C18orf32: variants seen among roughly 807,000 people sequenced by gnomAD.
C18orf32 encodes chromosome 18 open reading frame 32, also known as UPF0729 protein C18orf32.
In C18orf32, 5 loss-of-function variants were observed where a neutral mutation model predicts 7.4. That is an observed-to-expected ratio of 0.68 (90% CI 0.35 to 1.42). The LOEUF is 1.42. Among genes scored for constraint, C18orf32 ranks in the 40% most tolerant of loss-of-function variants. C18orf32 has a pLI of 0.04. For missense variants in C18orf32, 88 were observed against 92.4 expected, an observed-to-expected ratio of 0.95 and a Z score of 0.19; for synonymous variants, 30 against 29.3, an observed-to-expected ratio of 1.02 and a Z score of -0.08.
At position 49,481,269 on chromosome 18, in the gene C18orf32, C is replaced by G. The variant is rs1288455141; in HGVS notation, c.*1076G>C. On this transcript the variant is annotated 3_prime_UTR_variant, in exon 3 of 3. Transcript: ENST00000318240. ...AATAGAGCCTGAGTTAGGACCCAGACTTCATTAGGGACCCAAGGGCAGGAG... is the reference window on the plus strand; with the variant it reads ...AATAGAGCCTGAGTTAGGACCCAGAGTTCATTAGGGACCCAAGGGCAGGAG... 6.6e-6 allele frequency: 1 copy of G among 152,142 alleles called. No individual in the cohort carries two copies. Among genetic ancestry groups the G allele is most frequent in the Non-Finnish European group, 1.5e-5 (1 of 68,036 alleles). 9.4% of individuals were successfully genotyped at this position (152,142 alleles called of 1,614,324 possible).
intron 2 of C18orf32, 41 bp from the exon 3 acceptor site, chr18:49,482,451 G>C (rs111703462): frequency 2.3e-5 from 33 of 1,460,206 alleles, no homozygotes; most frequent in African/African-American, 1.3e-4. Flanking sequence ...ATAACAAGCC[G>C]GGTGCGGTGG....
intron 1 of C18orf32, among the ~76,000 whole-genome samples, chr18:49,485,681 C>A (rs956867065): frequency 1.3e-5 from 2 of 151,862 alleles, no homozygotes; most frequent in Non-Finnish European, 2.9e-5. Flanking sequence ...AACATACCAC[C>A]TGTGTTCAGA....
intron 2 of C18orf32, 137 bp downstream of exon 2, chr18:49,483,447 A>G: frequency 8.6e-7 from 1 of 1,169,156 alleles, no homozygotes; most frequent in Non-Finnish European, 1.2e-6. Context: ...GGCCTACTTT[A>G]AAACTTTAAT....
intron 1 of C18orf32, among the ~76,000 whole-genome samples, chr18:49,484,147 A>AT (rs1555769352): frequency 1.5e-5 from 1 of 65,596 alleles, no homozygotes; most frequent in African/African-American, 8.2e-5. Context: ...AAAAAAAAAA[A>AT]ATATATATAT....
rs144476981 is a variant in C18orf32, at chr18:49,482,265, G to A, written c.*80C>T. 2 of 980,436 alleles carry A rather than the reference G, an allele frequency of 2.0e-6. No homozygotes were observed. The highest frequency in any genetic ancestry group is 2.4e-5 in the East Asian group (1 of 41,710). The allele number at this position is 980,436 out of a possible 1,614,324, so 60.7% of individuals were successfully genotyped here. A position where few individuals can be genotyped will look rare whatever the true frequency, so the allele number is the denominator to read the frequency against. ...CCTGAATTCCGGTCTCAGATAAAAA[G>A]GTCAGAGACAATTACAAGGAAGATG... On this transcript the variant is annotated 3_prime_UTR_variant, in exon 3 of 3. Coordinates refer to ENST00000318240, the MANE Select transcript of C18orf32 (RefSeq NM_001035005.4).
At chr18:49,484,153 TATATATATATATATACACACACACAC>T (rs1243246690) in intron 1 of C18orf32, among the ~76,000 whole-genome samples, 4 of 50,942 alleles carry the variant, frequency 7.9e-5, no homozygotes, top group African/African-American at 4.6e-4. Context: ...AAAAAATATA[TATATATATATATATACACACACACAC>T]ACACACACAC....
At chr18:49,485,585 T>A (rs1012156117) in intron 1 of C18orf32, among the ~76,000 whole-genome samples, 1 of 150,122 alleles carries the variant, frequency 6.7e-6, no homozygotes. Context: ...TAAAATAAAA[T>A]AAAATCAATT....
intron 1 of C18orf32, among the ~76,000 whole-genome samples, chr18:49,484,128 C>CAAAAAAAAAAAAAAAAAAAAA (rs1420927884): frequency 3.9e-5 from 1 of 25,796 alleles, no homozygotes; most frequent in Admixed American, 5.2e-4. Context: ...CACTTTGTCT[C>CAAAAAAAAAAAAAAAAAAAAA]AAAAAAAGAA....
intron 1 of C18orf32, among the ~76,000 whole-genome samples, chr18:49,485,081 CA>C (rs201540950): frequency 6.6e-6 from 1 of 151,400 alleles, no homozygotes; most frequent in Middle Eastern, 3.4e-3. Flanking sequence ...AACTCCGTCT[CA>C]AAAAAAAGAT....
At chr18:49,485,944 TG>T (rs1290069132) in intron 1 of C18orf32, 6 of 152,082 alleles carry the variant, frequency 3.9e-5, no homozygotes, top group Admixed American at 3.3e-4. Flanking sequence ...CAAGGTGTGA[TG>T]GCACGCGCCT....
chr18:49,477,937 A>AAG lies in C18orf32; in HGVS notation c.*4407_*4408insCT, dbSNP rs2083632929. The AAG allele has an allele frequency of 7.5e-6, 1 of 133,346 alleles. No homozygotes were observed. The highest frequency in any genetic ancestry group is 1.5e-5 in the Non-Finnish European group (1 of 65,428). The allele number at this position is 133,346 out of a possible 1,614,324, so 8.3% of individuals were successfully genotyped here. ...CTATATATATATACACACTATATAT[A>AAG]TATATACACTATATATATATGTAGC... On this transcript the variant is annotated 3_prime_UTR_variant, in exon 3 of 3. Transcript: ENST00000318240.
At chr18:49,482,801 T>TC (rs200510383) in intron 2 of C18orf32, among the ~76,000 whole-genome samples, 1,019 of 37,828 alleles carry the variant, frequency 0.027, 7 homozygotes, top group African/African-American at 0.11. Flanking sequence ...TGTCTCTCTC[T>TC]TTTTTTTTTT....
chr18:49,482,576 A>C (rs2083675555), intron 2 of C18orf32, among the ~76,000 whole-genome samples, 166 bp from the exon 3 acceptor site: 1 of 151,968 alleles, frequency 6.6e-6, no homozygotes, highest in African/African-American at 2.4e-5. Flanking sequence ...AAAATACAAA[A>C]ATTAGCTGGG....
Position 49,481,112 on chromosome 18 carries a change from GTTTA to G in C18orf32, c.*1229_*1232del, listed in dbSNP as rs1338253256. 6.6e-6 allele frequency: 1 copy of G among 152,122 alleles called. No individual in the cohort carries two copies. The highest frequency in any genetic ancestry group is 1.5e-5 in the Non-Finnish European group (1 of 68,024). 9.4% of individuals were successfully genotyped at this position (152,122 alleles called of 1,614,324 possible). On this transcript the variant is annotated 3_prime_UTR_variant, in exon 3 of 3. Transcript: ENST00000318240. Reference sequence around the variant, plus strand: ...ATAATAGTATTTATACCTTAAAAAAGTTTATTTGCTAATGAGAATTTATCTTATC... The same window carrying G: ...ATAATAGTATTTATACCTTAAAAAAGTTTGCTAATGAGAATTTATCTTATC...
In C18orf32 at chr18:49,480,229, G is replaced by C. The variant is rs1312981797; in HGVS notation, c.*2116C>G. The stretch of plus-strand genomic sequence containing the variant: ...GCAATTCAGGAGGCTGAGGTGGGAG[G>C]ATCACTTGAGCCCAGGAGTTGGAGG... On this transcript the variant is annotated 3_prime_UTR_variant, in exon 3 of 3. Transcript: ENST00000318240. 1 of 152,878 alleles carries C rather than the reference G, an allele frequency of 6.5e-6. No individual in the cohort carries two copies. The highest frequency in any genetic ancestry group is 6.5e-5 in the Admixed American group (1 of 15,278). 9.5% of individuals were successfully genotyped at this position (152,878 alleles called of 1,614,324 possible). A position where few individuals can be genotyped will look rare whatever the true frequency, so the allele number is the denominator to read the frequency against.
At chr18:49,486,541 A>C (rs2083749816) in intron 1 of C18orf32, 1 of 151,880 alleles carries the variant, frequency 6.6e-6, no homozygotes, top group African/African-American at 2.4e-5. Flanking sequence ...ATTTTACTTC[A>C]CACATATGGA....
Position 49,478,947 on chromosome 18 carries a change from C to T in C18orf32, c.*3398G>A, listed in dbSNP as rs923047455. The T allele has an allele frequency of 1.4e-4, 22 of 152,230 alleles. 1 individual carries two copies. The highest frequency in any genetic ancestry group is 2.8e-4 in the Non-Finnish European group (19 of 68,022). 9.4% of individuals were successfully genotyped at this position (152,230 alleles called of 1,614,324 possible). A position where few individuals can be genotyped will look rare whatever the true frequency, so the allele number is the denominator to read the frequency against. ...TCTTCTGGTGTCAAACTGTCTTTTACGAAATACTGGTAATAAATTGTAGCT... is the reference window on the plus strand; with the variant it reads ...TCTTCTGGTGTCAAACTGTCTTTTATGAAATACTGGTAATAAATTGTAGCT... On this transcript the variant is annotated 3_prime_UTR_variant, in exon 3 of 3. Coordinates refer to ENST00000318240, the MANE Select transcript of C18orf32 (RefSeq NM_001035005.4).
In C18orf32 at chr18:49,477,626, A is replaced by C. The variant is rs1402449555; in HGVS notation, c.*4719T>G. The C allele has an allele frequency of 1.3e-5, 2 of 149,790 alleles. No individual in the cohort carries two copies. The highest frequency in any genetic ancestry group is 6.6e-5 in the Admixed American group (1 of 15,164). The allele number at this position is 149,790 out of a possible 1,614,324, so 9.3% of individuals were successfully genotyped here. A position where few individuals can be genotyped will look rare whatever the true frequency, so the allele number is the denominator to read the frequency against. The stretch of plus-strand genomic sequence containing the variant: ...GAAACCCCGTCTCTACTAAAGTACA[A>C]AATTAGCCGGGTGTGGTAGCACGCA... On this transcript the variant is annotated 3_prime_UTR_variant, in exon 3 of 3. Transcript: ENST00000318240.
chr18:49,478,639 T>C lies in C18orf32; in HGVS notation c.*3706A>G, dbSNP rs558913971. 2 of 150,416 alleles carry C rather than the reference T, an allele frequency of 1.3e-5. No individual in the cohort carries two copies. The highest frequency in any genetic ancestry group is 1.3e-4 in the Admixed American group (2 of 15,242). 9.3% of individuals were successfully genotyped at this position (150,416 alleles called of 1,614,324 possible). On this transcript the variant is annotated 3_prime_UTR_variant, in exon 3 of 3. Transcript: ENST00000318240. ...GTGTGTGTGAAACACCCATGAACAG[T>C]GCAGGTACAATGTGTTTAACAAAGG...
Sources: gnomAD v4.1 joint callset for allele counts (sites outside exome capture counted in the v4.1 genomes callset) on GRCh38, gnomAD v4.1.1 for gene constraint, MANE v1.5 for transcripts, NCBI Gene and HGNC (gene_info 2026-07-23, HGNC 2026-07-21) for gene names.